LYPLA1: variants seen among roughly 807,000 people sequenced by gnomAD.
The protein encoded by LYPLA1 is acyl-protein thioesterase 1.
Under a neutral mutation model 34.0 loss-of-function variants are expected in LYPLA1, and 17 were observed. That is an observed-to-expected ratio of 0.50 (90% CI 0.34 to 0.75). LYPLA1 has a LOEUF of 0.75. Ranked by LOEUF, LYPLA1 falls within the 30% of genes least tolerant of loss-of-function variation. LYPLA1 has a pLI of 0.01. For missense variants in LYPLA1, 203 were observed against 288.8 expected (o/e 0.70, Z 2.15); for synonymous variants, 98 against 100.8 (o/e 0.97, Z 0.17).
chr8:54,059,526 G>C (rs1382001031), intron 5 of LYPLA1, among the ~76,000 whole-genome samples: 1 of 74,268 alleles, frequency 1.3e-5, no homozygotes, highest in African/African-American at 1.3e-4. Flanking sequence ...GGATGGTCTC[G>C]ATCTCCTGAC....
chr8:54,098,949 C>T (rs1301841463), intron 2 of LYPLA1, among the ~76,000 whole-genome samples: 1 of 152,154 alleles, frequency 6.6e-6, no homozygotes, highest in Non-Finnish European at 1.5e-5. Context: ...CAAATAATTT[C>T]AGAACTGGAG....
intron 5 of LYPLA1, among the ~76,000 whole-genome samples, chr8:54,060,500 C>A (rs1806524398): frequency 6.6e-6 from 1 of 151,974 alleles, no homozygotes; most frequent in African/African-American, 2.4e-5. Context: ...ACTAGAATTA[C>A]CATAATCATA....
chr8:54,077,624 C>T (rs755555185), intron 2 of LYPLA1, among the ~76,000 whole-genome samples: 4 of 152,020 alleles, frequency 2.6e-5, no homozygotes, highest in Non-Finnish European at 4.4e-5. Flanking sequence ...GGCGAAACCC[C>T]GTCTCTACTA....
downstream of LYPLA1, among the ~76,000 whole-genome samples, chr8:54,043,872 T>C (rs1586058472): frequency 1.3e-5 from 2 of 152,092 alleles, no homozygotes; most frequent in Non-Finnish European, 2.9e-5. Context: ...CAAATCTGCA[T>C]TTTATACTGT....
chr8:54,049,715 CAT>C (rs1805717440), intron 8 of LYPLA1, among the ~76,000 whole-genome samples: 2 of 152,208 alleles, frequency 1.3e-5, no homozygotes, highest in South Asian at 4.1e-4. Context: ...TCCTTCCACT[CAT>C]AGGTCTTTCT....
At chr8:54,071,638 G>C (rs923246354) in intron 2 of LYPLA1, among the ~76,000 whole-genome samples, 12 of 151,988 alleles carry the variant, frequency 7.9e-5, no homozygotes, top group African/African-American at 2.9e-4. Context: ...AGTTACAATT[G>C]CCACAAAAAG....
At chr8:54,089,498 G>GA (rs1586169706) in intron 2 of LYPLA1, among the ~76,000 whole-genome samples, 2 of 144,802 alleles carry the variant, frequency 1.4e-5, no homozygotes, top group Admixed American at 1.3e-4. Context: ...TCCCTGGGGG[G>GA]GGGCGGGATC....
At position 54,062,479 on chromosome 8, in the gene LYPLA1, C is replaced by T. The variant is rs894353795; in HGVS notation, c.216-155G>A. On this transcript the variant is annotated intron_variant, in intron 4 of 8. Transcript: ENST00000316963. ...TATTTAATTAATTTATTTTTTGAGA[C>T]GAAGTCTCACTATTTATTTATTTAT... Among the ~76,000 whole-genome samples, 11 of 147,858 alleles carry T rather than the reference C, an allele frequency of 7.4e-5. No individual in the cohort carries two copies. In the East Asian group the frequency reaches 1.0e-3, roughly 14 times the overall value.
chr8:54,096,164 T>G (rs1809666775), intron 2 of LYPLA1, among the ~76,000 whole-genome samples: 1 of 152,228 alleles, frequency 6.6e-6, no homozygotes, highest in Admixed American at 6.5e-5. Context: ...AGTTCAGAAA[T>G]ATTAACAATT....
chr8:54,079,460 C>T (rs1205802734), intron 2 of LYPLA1, among the ~76,000 whole-genome samples: 2 of 152,124 alleles, frequency 1.3e-5, no homozygotes, highest in East Asian at 3.9e-4. Context: ...AATTAAGGCA[C>T]TCTTTGTCAC....
chr8:54,043,794 C>T (rs1054818745), downstream of LYPLA1, among the ~76,000 whole-genome samples: 2 of 152,100 alleles, frequency 1.3e-5, no homozygotes, highest in Non-Finnish European at 2.9e-5. Flanking sequence ...CTCCTGACCT[C>T]AAGGGATCCA....
chr8:54,089,501 GC>G lies in LYPLA1; in HGVS notation c.101+11406del, dbSNP rs990740845. 1.7e-3 allele frequency among the ~76,000 whole-genome samples: 229 copies of G among 138,676 alleles called. 29 individuals carry two copies. Among genetic ancestry groups the G allele is most frequent in the African/African-American group, 6.8e-3 (206 of 30,458 alleles). 91.0% of individuals were successfully genotyped at this position (138,676 alleles called of 152,430 possible). A position where few individuals can be genotyped will look rare whatever the true frequency, so the allele number is the denominator to read the frequency against. On this transcript the variant is annotated intron_variant, in intron 2 of 8. Transcript: ENST00000316963. Reference sequence around the variant, plus strand: ...TGATTTCAGACATCCCTGGGGGGGGGCGGGATCTTTGAACATATGTGACAAT... The same window carrying G: ...TGATTTCAGACATCCCTGGGGGGGGGGGGATCTTTGAACATATGTGACAAT...
intron 2 of LYPLA1, among the ~76,000 whole-genome samples, chr8:54,079,377 T>C (rs1383988544): frequency 6.6e-6 from 1 of 152,134 alleles, no homozygotes; most frequent in East Asian, 1.9e-4. Flanking sequence ...AGCAATATTT[T>C]GCAGCAATAA....
At position 54,067,233 on chromosome 8, in the gene LYPLA1, T is replaced by G. The variant is rs143190373; in HGVS notation, c.102-1420A>C. ...AACTTTCGCTGAGCATGGTGGCTCA[T>G]GTCTATAATCCCAGCACTTTGAGAG... On this transcript the variant is annotated intron_variant, in intron 2 of 8. Transcript: ENST00000316963. Among the ~76,000 whole-genome samples, 127 of 152,230 alleles carry G rather than the reference T, an allele frequency of 8.3e-4. 1 individual carries two copies. The highest frequency in any genetic ancestry group is 2.9e-3 in the African/African-American group (122 of 41,546).
chr8:54,053,197 C>T (rs552500492), intron 6 of LYPLA1: 23 of 179,000 alleles, frequency 1.3e-4, no homozygotes, highest in South Asian at 2.4e-4. Flanking sequence ...TGAGTTCAAG[C>T]GATTCTCCTG....
chr8:54,063,321 T>G lies in LYPLA1; in HGVS notation c.215+7A>C. ...TGTTCTTATTCAATAAGTAAATTCTTACTTACCATGAAGGCATAGCCACGT... is the reference window on the plus strand; with the variant it reads ...TGTTCTTATTCAATAAGTAAATTCTGACTTACCATGAAGGCATAGCCACGT... On this transcript the variant is annotated splice_region_variant and intron_variant, in intron 4 of 8. Transcript: ENST00000316963. 6.7e-7 allele frequency: 1 copy of G among 1,484,296 alleles called. No individual in the cohort carries two copies. Among genetic ancestry groups the G allele is most frequent in the South Asian group, 1.3e-5 (1 of 75,520 alleles). The allele number at this position is 1,484,296 out of a possible 1,614,324, so 91.9% of individuals were successfully genotyped here. A position where few individuals can be genotyped will look rare whatever the true frequency, so the allele number is the denominator to read the frequency against.
chr8:54,090,888 C>G (rs1809188873), intron 2 of LYPLA1, among the ~76,000 whole-genome samples: 1 of 152,116 alleles, frequency 6.6e-6, no homozygotes, highest in African/African-American at 2.4e-5. Context: ...TATAAGGGGC[C>G]TCCCCCTTCG....
intron 2 of LYPLA1, among the ~76,000 whole-genome samples, chr8:54,072,437 G>A (rs1266574235): frequency 6.6e-6 from 1 of 152,112 alleles, no homozygotes; most frequent in Admixed American, 6.6e-5. Flanking sequence ...ACTATCAACA[G>A]AGTAAACAAA....
chr8:54,091,549 A>G (rs1378712723), intron 2 of LYPLA1, among the ~76,000 whole-genome samples: 3 of 137,306 alleles, frequency 2.2e-5, no homozygotes, highest in African/African-American at 8.5e-5. Flanking sequence ...AAGAAAAGAA[A>G]AGAAGAAAGG....
Sources: gnomAD v4.1 joint callset for allele counts (sites outside exome capture counted in the v4.1 genomes callset) on GRCh38, gnomAD v4.1.1 for gene constraint, MANE v1.5 for transcripts, NCBI Gene and HGNC (gene_info 2026-07-23, HGNC 2026-07-21) for gene names.